The following CFAP276 variants were observed in gnomAD, a reference collection of about 807,000 sequenced individuals.
CFAP276 encodes the protein cilia and flagella associated protein 276, also known as cilia- and flagella-associated protein 276.
chr1:109,107,171 G>A, the CFAP276 span: 9 of 1,424,926 alleles, frequency 6.3e-6, no homozygotes, highest in African/African-American at 5.6e-5. Context: ...CTGTGTCCCT[G>A]CTCTAGTCAG....
chr1:109,109,223 C>T, the CFAP276 span, among the ~76,000 whole-genome samples: 2 of 151,760 alleles, frequency 1.3e-5, no homozygotes, highest in South Asian at 2.1e-4. Flanking sequence ...CTGAGGCGGG[C>T]GGATCACCTG....
chr1:109,106,650 G>A, the CFAP276 span: 1 of 1,613,964 alleles, frequency 6.2e-7, no homozygotes, highest in Non-Finnish European at 8.5e-7. Flanking sequence ...CAGGGAATTG[G>A]ATCTTGGTTC....
chr1:109,112,716 C>T, the CFAP276 span: 2 of 1,546,808 alleles, frequency 1.3e-6, no homozygotes, highest in Non-Finnish European at 1.7e-6. Context: ...GGATGGGAGG[C>T]CCGCTCAGCC....
the CFAP276 span, chr1:109,107,863 A>T: frequency 4.8e-6 from 1 of 207,830 alleles, no homozygotes; most frequent in Non-Finnish European, 7.6e-6. Context: ...GGGTGACAGG[A>T]AAAAAAAAAA....
chr1:109,107,142 C>A, the CFAP276 span: 3,396 of 1,594,846 alleles, frequency 2.1e-3, 28 homozygotes, highest in South Asian at 0.016. Context: ...TCAGTCCCCC[C>A]CAAGGTTAGC....
At chr1:109,112,382 T>G in the CFAP276 span, among the ~76,000 whole-genome samples, 2 of 152,188 alleles carry the variant, frequency 1.3e-5, no homozygotes, top group Non-Finnish European at 2.9e-5. Context: ...CCCTTGTTCC[T>G]CTAGACTAGA....
chr1:109,112,027 A>G, the CFAP276 span, among the ~76,000 whole-genome samples: 1 of 152,248 alleles, frequency 6.6e-6, no homozygotes, highest in African/African-American at 2.4e-5. Context: ...GGGGCTCTCA[A>G]TATTGTTATT....
chr1:109,107,606 G>A, the CFAP276 span, among the ~76,000 whole-genome samples: 1 of 152,058 alleles, frequency 6.6e-6, no homozygotes, highest in Non-Finnish European at 1.5e-5. Context: ...AGAATATTAA[G>A]GGCTGGGTGC....
the CFAP276 span, chr1:109,112,628 A>T: frequency 6.3e-5 from 97 of 1,550,704 alleles, no homozygotes; most frequent in African/African-American, 1.2e-3. Context: ...CCTAAGTAGG[A>T]ATCATCGTTA....
chr1:109,113,671 T>C, the CFAP276 span: 2 of 1,614,022 alleles, frequency 1.2e-6, no homozygotes, highest in Non-Finnish European at 1.7e-6. Flanking sequence ...GAGGGTGATC[T>C]CTCCATCTTC....
chr1:109,109,351 G>A, the CFAP276 span, among the ~76,000 whole-genome samples: 17 of 151,520 alleles, frequency 1.1e-4, no homozygotes, highest in Non-Finnish European at 2.5e-4. Flanking sequence ...GGGAGGCTGA[G>A]GAGGGAGAAT....
the CFAP276 span, chr1:109,113,774 G>C: frequency 7.2e-7 from 1 of 1,390,132 alleles, no homozygotes; most frequent in East Asian, 2.3e-5. Context: ...GAAATTTGTT[G>C]GCTGGCTTGG....
chr1:109,109,424 G>A, the CFAP276 span, among the ~76,000 whole-genome samples: 1 of 150,782 alleles, frequency 6.6e-6, no homozygotes, highest in African/African-American at 2.4e-5. Flanking sequence ...CTCCAGCCTG[G>A]GCAACAAGAG....
At chr1:109,113,648 G>A in the CFAP276 span, 1 of 1,614,080 alleles carries the variant, frequency 6.2e-7, no homozygotes, top group South Asian at 1.1e-5. Flanking sequence ...CCTCTTCCAG[G>A]CGACGACGTC....
the CFAP276 span, among the ~76,000 whole-genome samples, chr1:109,112,430 T>G: frequency 6.6e-6 from 1 of 152,226 alleles, no homozygotes; most frequent in African/African-American, 2.4e-5. Flanking sequence ...CTCTGAAACG[T>G]TAGCCGACTT....
At chr1:109,113,475 G>T in the CFAP276 span, among the ~76,000 whole-genome samples, 4 of 112,210 alleles carry the variant, frequency 3.6e-5, no homozygotes, top group Non-Finnish European at 5.3e-5. Context: ...AGAGGCCCAC[G>T]TGCGGCGCTT....
chr1:109,111,136 A>G, the CFAP276 span, among the ~76,000 whole-genome samples: 1 of 152,048 alleles, frequency 6.6e-6, no homozygotes, highest in African/African-American at 2.4e-5. Context: ...TGTGCTTCCT[A>G]AAACACCCAT....
At chr1:109,112,481 T>C in the CFAP276 span, 1 of 1,383,766 alleles carries the variant, frequency 7.2e-7, no homozygotes, top group Non-Finnish European at 9.5e-7. Context: ...CAGACTTCCC[T>C]GGTACCCGAC....
At chr1:109,108,824 A>G in the CFAP276 span, among the ~76,000 whole-genome samples, 2 of 152,200 alleles carry the variant, frequency 1.3e-5, no homozygotes, top group Non-Finnish European at 2.9e-5. Flanking sequence ...GTACAGTATT[A>G]TAACTGGGAG....
Sources: allele counts gnomAD v4.1 joint callset (sites outside exome capture counted in the v4.1 genomes callset), GRCh38; gene constraint gnomAD v4.1.1; transcripts MANE v1.5; gene names NCBI Gene and HGNC (gene_info 2026-07-23, HGNC 2026-07-21).